CSRNP3: variants seen among roughly 807,000 people sequenced by gnomAD.
CSRNP3 encodes the protein cysteine and serine rich nuclear protein 3, also known as cysteine/serine-rich nuclear protein 3.
A neutral mutation model predicts 48.0 loss-of-function variants in CSRNP3; 12 were observed. The observed-to-expected ratio is 0.25, with a 90% CI of 0.16 to 0.41. The LOEUF (loss-of-function observed/expected upper bound fraction) is 0.41. Ranked by LOEUF, CSRNP3 falls within the 10% of genes least tolerant of loss-of-function variation. The probability of loss-of-function intolerance (pLI) is 1.00; values close to 1 mark genes in which losing one functional copy is unlikely to be tolerated. For missense variants in CSRNP3, 580 were observed against 724.4 expected, an observed-to-expected ratio of 0.80 and a Z score of 2.29; for synonymous variants, 263 against 269.7, an observed-to-expected ratio of 0.98 and a Z score of 0.24.
intron 4 of CSRNP3, among the ~76,000 whole-genome samples, chr2:165,623,388 G>A (rs775479955): frequency 1.8e-4 from 28 of 152,136 alleles, no homozygotes; most frequent in South Asian, 2.1e-4. Flanking sequence ...TCTAGGTTGC[G>A]TGCTCCTTAT....
intron 3 of CSRNP3, among the ~76,000 whole-genome samples, chr2:165,584,663 G>A (rs747854874): frequency 6.6e-6 from 1 of 152,144 alleles, no homozygotes; most frequent in Non-Finnish European, 1.5e-5. Flanking sequence ...AAAGCTTATA[G>A]AATGAGTCAA....
intron 3 of CSRNP3, among the ~76,000 whole-genome samples, chr2:165,527,199 C>CTTTTTTTT (rs535826285): frequency 6.9e-5 from 6 of 87,300 alleles, no homozygotes; most frequent in East Asian, 3.4e-4. Flanking sequence ...GCTGTTTGTA[C>CTTTTTTTT]TTTTTTTTTT....
intron 3 of CSRNP3, among the ~76,000 whole-genome samples, chr2:165,520,774 A>T (rs1158048855): frequency 2.6e-3 from 37 of 14,366 alleles, no homozygotes; most frequent in African/African-American, 0.019. Flanking sequence ...AATATATTAT[A>T]TATATATATT....
chr2:165,559,636 T>G (rs1685204219), intron 3 of CSRNP3, among the ~76,000 whole-genome samples: 2 of 152,176 alleles, frequency 1.3e-5, no homozygotes, highest in South Asian at 4.2e-4. Flanking sequence ...AAGCTCTATT[T>G]GTCACCATTT....
intron 4 of CSRNP3, among the ~76,000 whole-genome samples, chr2:165,646,317 G>A (rs1686811781): frequency 6.6e-6 from 1 of 151,962 alleles, no homozygotes; most frequent in South Asian, 2.1e-4. Flanking sequence ...TGTTGCTCTT[G>A]TTGCTGTTGA....
intron 6 of CSRNP3, among the ~76,000 whole-genome samples, chr2:165,677,607 AC>A (rs1460410624): frequency 6.6e-6 from 1 of 151,970 alleles, no homozygotes; most frequent in African/African-American, 2.4e-5. Flanking sequence ...AAATACAGAT[AC>A]AAATTCTGGC....
At chr2:165,527,427 G>A (rs1684751419) in intron 3 of CSRNP3, among the ~76,000 whole-genome samples, 4 of 151,902 alleles carry the variant, frequency 2.6e-5, no homozygotes, top group Admixed American at 2.6e-4. Context: ...GGATGGTCTC[G>A]ATCTCCTGAC....
chr2:165,501,392 C>T (rs1684357954), intron 2 of CSRNP3, among the ~76,000 whole-genome samples: 1 of 152,130 alleles, frequency 6.6e-6, no homozygotes, highest in Non-Finnish European at 1.5e-5. Flanking sequence ...AGGATAAACA[C>T]AGCCTACATT....
rs558192354 is a variant in CSRNP3, at chr2:165,542,568, G to C, written c.-24+24607G>C. Among the ~76,000 whole-genome samples, 15 of 152,130 alleles carry C rather than the reference G, an allele frequency of 9.9e-5. No homozygotes were observed. The South Asian group carries it at 3.1e-3, about 32-fold the overall frequency. ...ATCCAATGACCTCATAATTTTAATA[G>C]CTGCATAATATTATACTGTATGGAT... On this transcript the variant is annotated intron_variant, in intron 3 of 6. Coordinates refer to ENST00000651982, the MANE Select transcript of CSRNP3 (RefSeq NM_001172173.2).
At chr2:165,672,137 C>A (rs1558969973) in intron 5 of CSRNP3, among the ~76,000 whole-genome samples, 2 of 152,168 alleles carry the variant, frequency 1.3e-5, no homozygotes, top group Non-Finnish European at 2.9e-5. Context: ...TCTGAACTTT[C>A]CCACATTTTT....
chr2:165,642,837 T>C (rs573374429), intron 4 of CSRNP3, among the ~76,000 whole-genome samples: 7 of 152,316 alleles, frequency 4.6e-5, no homozygotes, highest in South Asian at 2.1e-4. Context: ...GCTGGGATTA[T>C]AGACGTGAGC....
chr2:165,643,692 A>G (rs1035685767), intron 4 of CSRNP3, among the ~76,000 whole-genome samples: 1 of 152,150 alleles, frequency 6.6e-6, no homozygotes, highest in African/African-American at 2.4e-5. Flanking sequence ...CAGTTCTATC[A>G]TGATTTCATA....
intron 3 of CSRNP3, among the ~76,000 whole-genome samples, chr2:165,552,470 G>C (rs1273256080): frequency 6.6e-6 from 1 of 152,106 alleles, no homozygotes; most frequent in Non-Finnish European, 1.5e-5. Context: ...GGACGCAATA[G>C]GATAATAAAA....
chr2:165,557,071 G>A (rs1685169277), intron 3 of CSRNP3, among the ~76,000 whole-genome samples: 1 of 152,154 alleles, frequency 6.6e-6, no homozygotes, highest in South Asian at 2.1e-4. Context: ...GCAAGGGTCA[G>A]CAAACTATGG....
intron 3 of CSRNP3, among the ~76,000 whole-genome samples, chr2:165,562,559 A>G (rs535314869): frequency 1.5e-4 from 23 of 152,194 alleles, no homozygotes; most frequent in Non-Finnish European, 2.4e-4. Context: ...AGTAAGTGTT[A>G]AACAATAATT....
At chr2:165,546,135 G>C (rs1685021773) in intron 3 of CSRNP3, among the ~76,000 whole-genome samples, 1 of 152,012 alleles carries the variant, frequency 6.6e-6, no homozygotes, top group African/African-American at 2.4e-5. Context: ...CTAACTCCAT[G>C]CTCAATACCC....
chr2:165,517,546 G>C (rs910375941), intron 2 of CSRNP3, among the ~76,000 whole-genome samples: 1 of 151,850 alleles, frequency 6.6e-6, no homozygotes, highest in East Asian at 1.9e-4. Context: ...CTAGAAAGTT[G>C]CTTAAGTCTA....
chr2:165,638,273 C>T (rs546633971), intron 4 of CSRNP3, among the ~76,000 whole-genome samples: 1 of 152,166 alleles, frequency 6.6e-6, no homozygotes, highest in African/African-American at 2.4e-5. Context: ...ACCAGCCTGA[C>T]CAACATGGTG....
At chr2:165,522,623 C>T (rs1299300767) in intron 3 of CSRNP3, among the ~76,000 whole-genome samples, 3 of 152,078 alleles carry the variant, frequency 2.0e-5, no homozygotes, top group East Asian at 3.9e-4. Flanking sequence ...CCCTCAATGC[C>T]ATTCACTAAT....
Sources: allele counts gnomAD v4.1 joint callset (sites outside exome capture counted in the v4.1 genomes callset), GRCh38; gene constraint gnomAD v4.1.1; transcripts MANE v1.5; gene names NCBI Gene and HGNC (gene_info 2026-07-23, HGNC 2026-07-21).